The following THRB variants were observed in gnomAD, a reference collection of about 807,000 sequenced individuals.
THRB encodes nuclear receptor subfamily 1 group A member 2.
THRB carries 12 observed loss-of-function variants against 47.8 expected under a neutral mutation model. The ratio of observed to expected loss-of-function variants is 0.25; its 90% CI spans 0.16 to 0.41. The LOEUF (loss-of-function observed/expected upper bound fraction) is 0.41. THRB is among the 10% of genes least tolerant of loss of function. The pLI is 1.00. For synonymous variants in THRB, 218 were observed against 212.2 expected (o/e 1.03, Z -0.24); for missense variants, 348 against 589.2 (o/e 0.59, Z 4.24).
intron 3 of THRB, among the ~76,000 whole-genome samples, chr3:24,285,188 T>C (rs543866003): frequency 0.019 from 2,781 of 149,198 alleles, 75 homozygotes; most frequent in African/African-American, 0.065. Flanking sequence ...AACCCAAATG[T>C]CCAACAATGA....
At chr3:24,261,155 C>A (rs186219371) in intron 3 of THRB, among the ~76,000 whole-genome samples, 2 of 152,280 alleles carry the variant, frequency 1.3e-5, no homozygotes, top group South Asian at 4.2e-4. Context: ...CTTGGCCCTT[C>A]TTTACTTGGC....
intron 4 of THRB, among the ~76,000 whole-genome samples, chr3:24,227,255 T>C (rs2047749527): frequency 6.6e-6 from 1 of 152,214 alleles, no homozygotes; most frequent in African/African-American, 2.4e-5. Context: ...GGCTACCTGC[T>C]GTCTGGTATC....
chr3:24,138,221 G>A (rs1288815992), intron 8 of THRB, among the ~76,000 whole-genome samples: 4 of 152,134 alleles, frequency 2.6e-5, no homozygotes, highest in Non-Finnish European at 5.9e-5. Flanking sequence ...CATGCAGAAT[G>A]GAGTGGGGCC....
At chr3:24,285,445 G>T (rs1412853293) in intron 3 of THRB, among the ~76,000 whole-genome samples, 17 of 118,010 alleles carry the variant, frequency 1.4e-4, no homozygotes, top group African/African-American at 3.9e-4. Flanking sequence ...GGTGGGGGGA[G>T]GGGGGAGGGA....
At chr3:24,474,239 T>C (rs1004845958) in intron 1 of THRB, among the ~76,000 whole-genome samples, 2 of 152,198 alleles carry the variant, frequency 1.3e-5, no homozygotes, top group African/African-American at 4.8e-5. Flanking sequence ...AAAAATAACA[T>C]TAACATATCT....
intron 1 of THRB, among the ~76,000 whole-genome samples, chr3:24,355,266 A>T (rs2063603027): frequency 6.6e-6 from 1 of 152,122 alleles, no homozygotes; most frequent in Non-Finnish European, 1.5e-5. Flanking sequence ...GAGACATTCT[A>T]CAAAATAATT....
chr3:24,135,944 G>C (rs1210705471), intron 8 of THRB, among the ~76,000 whole-genome samples: 1 of 150,774 alleles, frequency 6.6e-6, no homozygotes, highest in Non-Finnish European at 1.5e-5. Context: ...TAATAACATT[G>C]TTTTGGCCTG....
At chr3:24,191,506 G>T (rs1173394848) in intron 4 of THRB, among the ~76,000 whole-genome samples, 1 of 152,118 alleles carries the variant, frequency 6.6e-6, no homozygotes, top group Non-Finnish European at 1.5e-5. Flanking sequence ...CTGGGGCTTA[G>T]AGAGACATGT....
At chr3:24,446,340 C>A (rs2072068697) in intron 1 of THRB, among the ~76,000 whole-genome samples, 1 of 152,138 alleles carries the variant, frequency 6.6e-6, no homozygotes, top group Non-Finnish European at 1.5e-5. Flanking sequence ...AATTTCTTCT[C>A]TCCTCCTTCA....
intron 1 of THRB, among the ~76,000 whole-genome samples, chr3:24,389,324 A>G (rs2066375282): frequency 6.6e-6 from 1 of 152,186 alleles, no homozygotes; most frequent in African/African-American, 2.4e-5. Context: ...GGCTTAAGTA[A>G]TTGCTGTCCT....
intron 4 of THRB, among the ~76,000 whole-genome samples, chr3:24,211,634 G>T (rs781602570): frequency 6.6e-6 from 1 of 152,206 alleles, no homozygotes; most frequent in Non-Finnish European, 1.5e-5. Context: ...GCACTGCAGA[G>T]ATGTCTTCTA....
chr3:24,465,439 G>C (rs998681702), intron 1 of THRB, among the ~76,000 whole-genome samples: 2 of 152,084 alleles, frequency 1.3e-5, no homozygotes, highest in East Asian at 3.8e-4. Context: ...GTCTCCCTCC[G>C]TTGCCTAGAT....
chr3:24,164,979 A>AAAAC (rs753914552), intron 5 of THRB: 1 of 685,790 alleles, frequency 1.5e-6, no homozygotes. Flanking sequence ...AAATGAAACG[A>AAAAC]AAACAAACAG....
At chr3:24,187,244 C>G (rs1357853380) in intron 5 of THRB, among the ~76,000 whole-genome samples, 5 of 152,174 alleles carry the variant, frequency 3.3e-5, no homozygotes, top group African/African-American at 4.8e-5. Context: ...GTGGCAATGT[C>G]AAACTGCTAT....
At chr3:24,146,449 T>C (rs2036114822) in intron 7 of THRB, among the ~76,000 whole-genome samples, 1 of 152,204 alleles carries the variant, frequency 6.6e-6, no homozygotes, top group Non-Finnish European at 1.5e-5. Context: ...CTTTGACAGT[T>C]AGGAGGTGGT....
intron 1 of THRB, among the ~76,000 whole-genome samples, chr3:24,420,507 C>G (rs755756674): frequency 1.3e-5 from 2 of 151,834 alleles, no homozygotes; most frequent in African/African-American, 2.4e-5. Flanking sequence ...GAAACTTCCA[C>G]ACCTCAGAAA....
chr3:24,399,577 G>C (rs1430615037), intron 1 of THRB, among the ~76,000 whole-genome samples: 3 of 152,078 alleles, frequency 2.0e-5, no homozygotes, highest in Non-Finnish European at 4.4e-5. Context: ...AGCTGGCCCT[G>C]TCAAAAGGTA....
At chr3:24,260,952 T>G (rs754046806) in intron 3 of THRB, among the ~76,000 whole-genome samples, 1 of 152,182 alleles carries the variant, frequency 6.6e-6, no homozygotes. Flanking sequence ...ACCCCAGAGT[T>G]TCTGAATCAG....
intron 3 of THRB, among the ~76,000 whole-genome samples, chr3:24,231,707 G>C (rs541455727): frequency 1.3e-5 from 2 of 152,070 alleles, no homozygotes; most frequent in South Asian, 2.1e-4. Flanking sequence ...CAGGTGTCCC[G>C]GGGCCTCCTT....
Sources: allele counts gnomAD v4.1 joint callset (sites outside exome capture counted in the v4.1 genomes callset), GRCh38; gene constraint gnomAD v4.1.1; transcripts MANE v1.5; gene names NCBI Gene and HGNC (gene_info 2026-07-23, HGNC 2026-07-21).